The following L3MBTL3 variants were observed in gnomAD, a reference collection of about 807,000 sequenced individuals.
L3MBTL3 encodes L3MBTL histone methyl-lysine binding protein 3.
In L3MBTL3, 27 loss-of-function variants were observed where a neutral mutation model predicts 102.3. That is an observed-to-expected ratio of 0.26 (90% CI 0.19 to 0.36). The LOEUF is 0.36. L3MBTL3 is among the 10% of genes least tolerant of loss of function. The probability of loss-of-function intolerance (pLI) is 1.00; values close to 1 mark genes in which losing one functional copy is unlikely to be tolerated. For missense variants in L3MBTL3, 798 were observed against 955.3 expected, an observed-to-expected ratio of 0.84 and a Z score of 2.17; for synonymous variants, 340 against 320.9, an observed-to-expected ratio of 1.06 and a Z score of -0.64.
At chr6:130,129,273 A>G (rs1301856833) in intron 20 of L3MBTL3, among the ~76,000 whole-genome samples, 1 of 152,202 alleles carries the variant, frequency 6.6e-6, no homozygotes, top group East Asian at 1.9e-4. Context: ...CCTCACTGAG[A>G]AAATTTTTTA....
At chr6:130,063,482 C>G (rs1257405558) in intron 10 of L3MBTL3, among the ~76,000 whole-genome samples, 3 of 152,158 alleles carry the variant, frequency 2.0e-5, no homozygotes, top group African/African-American at 7.2e-5. Context: ...AGTAGTTACG[C>G]TCCACAAATT....
In L3MBTL3 at chr6:130,055,180, C is replaced by G. The variant is rs753263026; in HGVS notation, c.592C>G (p.Gln198Glu). Residue 198 changes from glutamine (Q) to glutamate (E), a missense_variant, in exon 8 of 23, where the codon CAA becomes GAA. Transcript: ENST00000361794. Reference sequence around the variant, plus strand: ...TCCTTTCTTTTTGTAGGAGAACAAACAAGATGTAAGAATCCTGAGGGGTTC... The same window carrying G: ...TCCTTTCTTTTTGTAGGAGAACAAAGAAGATGTAAGAATCCTGAGGGGTTC... ...EERDDEMENK[Q>E]DVRILRGSQR... 1 of 1,613,304 alleles carries G rather than the reference C, an allele frequency of 6.2e-7. No individual in the cohort carries two copies. The highest frequency in any genetic ancestry group is 2.2e-5 in the East Asian group (1 of 44,874).
intron 3 of L3MBTL3, among the ~76,000 whole-genome samples, chr6:130,047,604 A>G (rs573702675): frequency 1.9e-4 from 29 of 152,368 alleles, no homozygotes; most frequent in Admixed American, 5.2e-4. Context: ...ATAAATTAAC[A>G]TCAGTGACAT....
intron 19 of L3MBTL3, among the ~76,000 whole-genome samples, chr6:130,116,731 A>G (rs1417245305): frequency 3.3e-5 from 5 of 152,004 alleles, no homozygotes; most frequent in Admixed American, 2.0e-4. Context: ...CAGCCTGGAC[A>G]GTGGAGTGAG....
chr6:130,020,314 C>G (rs1269615193), intron 1 of L3MBTL3, among the ~76,000 whole-genome samples: 1 of 141,524 alleles, frequency 7.1e-6, no homozygotes, highest in Non-Finnish European at 1.5e-5. Context: ...GCCCCGCGAG[C>G]TGGTGGAGTG....
chr6:130,067,597 A>G (rs1046896980), intron 11 of L3MBTL3, among the ~76,000 whole-genome samples: 1 of 152,252 alleles, frequency 6.6e-6, no homozygotes, highest in Non-Finnish European at 1.5e-5. Context: ...GAAGGATTCA[A>G]CAAAATAGCA....
At chr6:130,130,527 T>C (rs1201227367) in intron 20 of L3MBTL3, among the ~76,000 whole-genome samples, 1 of 152,224 alleles carries the variant, frequency 6.6e-6, no homozygotes, top group Non-Finnish European at 1.5e-5. Flanking sequence ...CTCTTTAGAA[T>C]ACCTGAGATT....
rs567055753 is a variant in L3MBTL3 at position 130,131,571 on chromosome 6, G to A, written c.1967-1881G>A. Among the ~76,000 whole-genome samples the A allele has an allele frequency of 5.9e-5, 9 of 152,274 alleles. 1 individual carries two copies. The South Asian group carries it at 1.0e-3, about 18-fold the overall frequency. On this transcript the variant is annotated intron_variant, in intron 20 of 22. Transcript: ENST00000361794. ...CCCCAGGAGAGGATTCTTGGGTCTCGCGCAAGAAAGAATTTGGGGCAAGTC... is the reference window on the plus strand; with the variant it reads ...CCCCAGGAGAGGATTCTTGGGTCTCACGCAAGAAAGAATTTGGGGCAAGTC...
rs1200514681 is a variant in L3MBTL3 at position 130,104,507 on chromosome 6, G to A, written c.1818G>A (p.Pro606=). The A allele has an allele frequency of 1.3e-5, 20 of 1,595,876 alleles. No homozygotes were observed. The highest frequency in any genetic ancestry group is 2.7e-5 in the African/African-American group (2 of 74,068). Residue 606 remains proline (P), a synonymous_variant, in exon 19 of 23, where the codon CCG becomes CCA. Transcript: ENST00000361794. ...FPDRLSGEMP[P]ASPSFPRNKR... is the part of the protein sequence containing the mutation. Reference sequence around the variant, plus strand: ...ACCGCTTAAGTGGTGAGATGCCTCCGGCTAGTCCGTCATTTCCAAGAAATA... The same window carrying A: ...ACCGCTTAAGTGGTGAGATGCCTCCAGCTAGTCCGTCATTTCCAAGAAATA...
intron 18 of L3MBTL3, among the ~76,000 whole-genome samples, chr6:130,095,821 C>G (rs919576716): frequency 6.6e-6 from 1 of 152,082 alleles, no homozygotes; most frequent in Non-Finnish European, 1.5e-5. Context: ...TTATAACAAC[C>G]GCTCCCATGA....
intron 11 of L3MBTL3, among the ~76,000 whole-genome samples, chr6:130,066,689 A>G (rs1308972304): frequency 6.6e-6 from 1 of 152,210 alleles, no homozygotes; most frequent in African/African-American, 2.4e-5. Context: ...GTATGTTCAT[A>G]TGCTTATTTT....
chr6:130,137,873 A>G (rs1787874806), intron 22 of L3MBTL3: 1 of 152,274 alleles, frequency 6.6e-6, no homozygotes, highest in African/African-American at 2.4e-5. Flanking sequence ...TTGCTTTATC[A>G]GAGGACTGTC....
chr6:130,037,891 G>T (rs1422850634), intron 2 of L3MBTL3, among the ~76,000 whole-genome samples: 5 of 152,034 alleles, frequency 3.3e-5, no homozygotes, highest in Admixed American at 2.0e-4. Flanking sequence ...TTATGTAACT[G>T]TAGTTTTATA....
At chr6:130,091,366 G>A (rs1784036377) in intron 16 of L3MBTL3, among the ~76,000 whole-genome samples, 1 of 151,938 alleles carries the variant, frequency 6.6e-6, no homozygotes, top group Non-Finnish European at 1.5e-5. Flanking sequence ...AATATCCTGT[G>A]ATCAGTTGAT....
chr6:130,097,458 G>C (rs1268221727), intron 18 of L3MBTL3, among the ~76,000 whole-genome samples: 2 of 152,186 alleles, frequency 1.3e-5, no homozygotes, highest in Non-Finnish European at 2.9e-5. Context: ...AGCGTTTGTT[G>C]TTACCTTCTC....
intron 10 of L3MBTL3, among the ~76,000 whole-genome samples, chr6:130,061,793 G>A (rs995615646): frequency 6.6e-6 from 1 of 152,196 alleles, no homozygotes; most frequent in African/African-American, 2.4e-5. Context: ...CATCATCTAA[G>A]AGGTGGGTGC....
intron 2 of L3MBTL3, among the ~76,000 whole-genome samples, chr6:130,038,420 C>T (rs1780200158): frequency 6.6e-6 from 1 of 151,982 alleles, no homozygotes; most frequent in Non-Finnish European, 1.5e-5. Context: ...TCTGCATCCT[C>T]ACCTGCATTT....
chr6:130,049,556 A>G (rs1216534414), intron 4 of L3MBTL3, 163 bp downstream of exon 4: 3 of 713,366 alleles, frequency 4.2e-6, no homozygotes, highest in Admixed American at 3.0e-5. Flanking sequence ...GCCAGCATTT[A>G]TGTTTTAAAA....
At chr6:130,048,369 G>A (rs897058342) in intron 3 of L3MBTL3, among the ~76,000 whole-genome samples, 2 of 152,086 alleles carry the variant, frequency 1.3e-5, no homozygotes, top group African/African-American at 4.8e-5. Flanking sequence ...AAAAACAGAA[G>A]GAATACAGAA....
Sources: gnomAD v4.1 joint callset for allele counts (sites outside exome capture counted in the v4.1 genomes callset) on GRCh38, gnomAD v4.1.1 for gene constraint, MANE v1.5 for transcripts, NCBI Gene and HGNC (gene_info 2026-07-23, HGNC 2026-07-21) for gene names.